The following PDE1C variants were observed in gnomAD, a reference collection of about 807,000 sequenced individuals.
PDE1C encodes phosphodiesterase 1C, also known as dual specificity calcium/calmodulin-dependent 3',5'-cyclic nucleotide phosphodiesterase 1C.
A neutral mutation model predicts 93.1 loss-of-function variants in PDE1C; 62 were observed. The observed-to-expected ratio is 0.67, with a 90% CI of 0.54 to 0.82. The LOEUF is 0.82. Ranked by LOEUF, PDE1C falls within the 40% of genes least tolerant of loss-of-function variation. The pLI is 0.00. For missense variants in PDE1C, 742 were observed against 884.6 expected (o/e 0.84, Z 2.04); for synonymous variants, 325 against 310.1 (o/e 1.05, Z -0.50).
chr7:32,080,858 A>G (rs1161318974), intron 3 of PDE1C, among the ~76,000 whole-genome samples: 1 of 152,164 alleles, frequency 6.6e-6, no homozygotes, highest in Non-Finnish European at 1.5e-5. Context: ...AATAAAAAAG[A>G]CCCTGAAGGC....
chr7:32,153,514 G>C lies in PDE1C; in HGVS notation c.308+16271C>G, dbSNP rs146871912. Among the ~76,000 whole-genome samples, 187 of 152,336 alleles carry C rather than the reference G, an allele frequency of 1.2e-3. 1 individual carries two copies. Among genetic ancestry groups the C allele is most frequent in the African/African-American group, 4.3e-3 (178 of 41,588 alleles). ...GTCAAGGGGGAGCCTGGAACAAGCAGAGTGGGGGTTCTCAGCCCTGCTGCA... is the reference window on the plus strand; with the variant it reads ...GTCAAGGGGGAGCCTGGAACAAGCACAGTGGGGGTTCTCAGCCCTGCTGCA... On this transcript the variant is annotated intron_variant, in intron 3 of 18. Coordinates refer to the PDE1C transcript ENST00000396193.
At chr7:32,358,600 C>T (rs1784075551) in intron 1 of PDE1C, among the ~76,000 whole-genome samples, 2 of 152,070 alleles carry the variant, frequency 1.3e-5, no homozygotes, top group South Asian at 2.1e-4. Flanking sequence ...AACTCTGCAT[C>T]CCCAGAGTCA....
chr7:32,153,683 G>C (rs1801395160), intron 3 of PDE1C, among the ~76,000 whole-genome samples: 1 of 152,210 alleles, frequency 6.6e-6, no homozygotes, highest in African/African-American at 2.4e-5. Context: ...ATCTGAACAG[G>C]ATAGAGCCCA....
chr7:31,747,495 AT>A (rs1223548605), downstream of PDE1C, among the ~76,000 whole-genome samples: 3 of 152,158 alleles, frequency 2.0e-5, no homozygotes, highest in Middle Eastern at 3.2e-3. Context: ...GCCCACTATG[AT>A]TGTAATCACC....
At chr7:31,818,520 T>A (rs1421489615) in intron 14 of PDE1C, among the ~76,000 whole-genome samples, 1 of 152,224 alleles carries the variant, frequency 6.6e-6, no homozygotes, top group Non-Finnish European at 1.5e-5. Flanking sequence ...TTATCCTATA[T>A]GCAAGTGTAA....
upstream of PDE1C, among the ~76,000 whole-genome samples, chr7:32,073,743 A>G (rs375567472): frequency 9.2e-5 from 14 of 152,330 alleles, 3 homozygotes. Flanking sequence ...CTCTTCATCT[A>G]TCACAGCCAA....
At chr7:32,050,974 C>T (rs983963096) in intron 2 of PDE1C, among the ~76,000 whole-genome samples, 11 of 152,148 alleles carry the variant, frequency 7.2e-5, no homozygotes, top group African/African-American at 2.7e-4. Context: ...ACCACCTGAT[C>T]CCTCATGGCT....
At chr7:32,246,761 A>G (rs553824839) in intron 1 of PDE1C, among the ~76,000 whole-genome samples, 2 of 152,298 alleles carry the variant, frequency 1.3e-5, no homozygotes, top group Admixed American at 1.3e-4. Context: ...CTCGGATATA[A>G]ATGGGTTTAA....
the PDE1C span, among the ~76,000 whole-genome samples, chr7:31,721,604 G>GT: frequency 6.6e-5 from 10 of 152,202 alleles, no homozygotes; most frequent in Non-Finnish European, 1.2e-4. Context: ...GAAGTTGCAA[G>GT]ATACCTTAGC....
In PDE1C at chr7:31,985,156, A is replaced by G. The variant is rs1230698971; in HGVS notation, c.128+66398T>C. Among the ~76,000 whole-genome samples, 4 of 152,348 alleles carry G rather than the reference A, an allele frequency of 2.6e-5. No homozygotes were observed. The East Asian group carries it at 7.7e-4, about 29-fold the overall frequency. Reference sequence around the variant, plus strand: ...TTTATCAGCGCACGGACAAGGGCCAAGAGTAGACTAGTAAGCAGTACCATA... The same window carrying G: ...TTTATCAGCGCACGGACAAGGGCCAGGAGTAGACTAGTAAGCAGTACCATA... On this transcript the variant is annotated intron_variant, in intron 2 of 17. Coordinates refer to ENST00000396191, the MANE Select transcript of PDE1C (RefSeq NM_001191057.4).
chr7:32,083,344 G>T (rs972195675), intron 3 of PDE1C, among the ~76,000 whole-genome samples: 4 of 151,704 alleles, frequency 2.6e-5, no homozygotes, highest in Non-Finnish European at 4.4e-5. Context: ...AGAAATATGG[G>T]ACTATGTGAA....
intron 2 of PDE1C, among the ~76,000 whole-genome samples, chr7:31,988,768 G>A (rs1178519699): frequency 1.3e-5 from 2 of 151,998 alleles, no homozygotes; most frequent in Admixed American, 6.6e-5. Context: ...AGGGTGAGAC[G>A]GGCGGATCAT....
In PDE1C at chr7:32,164,388, T is replaced by C. The variant is rs1257021458; in HGVS notation, c.308+5397A>G. 2.0e-5 allele frequency among the ~76,000 whole-genome samples: 3 copies of C among 152,324 alleles called. No homozygotes were observed. The East Asian group carries it at 5.8e-4, about 29-fold the overall frequency. On this transcript the variant is annotated intron_variant, in intron 3 of 18. Coordinates refer to the PDE1C transcript ENST00000396193. The stretch of plus-strand genomic sequence containing the variant: ...TATAACTCAAACTATATATCCAAAG[T>C]GCACACTCAAATTAGTATAACCAAT...
In PDE1C at chr7:32,309,945, T is replaced by C. The variant is rs1813127909; in HGVS notation, c.311-100406A>G. Among the ~76,000 whole-genome samples the C allele has an allele frequency of 2.6e-5, 4 of 152,178 alleles. No individual in the cohort carries two copies. The South Asian group carries it at 8.3e-4, about 31-fold the overall frequency. On this transcript the variant is annotated intron_variant, in intron 1 of 1. Coordinates refer to the PDE1C transcript ENST00000672256. ...GGACTAAATGCTCCAATTTAAAAGA[T>C]ACAGACTGGCAAATTGGATAAAGAG...
At chr7:31,707,418 G>A in the PDE1C span, 1 of 664,954 alleles carries the variant, frequency 1.5e-6, no homozygotes, top group Non-Finnish European at 2.5e-6. Context: ...CTCCCCAGGA[G>A]ATGTATGCCA....
At chr7:31,881,526 G>T (rs1025428269) in intron 2 of PDE1C, among the ~76,000 whole-genome samples, 2 of 152,186 alleles carry the variant, frequency 1.3e-5, no homozygotes, top group African/African-American at 4.8e-5. Context: ...TATCTGCACA[G>T]AGGACTTAGT....
intron 2 of PDE1C, among the ~76,000 whole-genome samples, chr7:32,005,544 A>G (rs547734988): frequency 5.3e-4 from 65 of 122,856 alleles, no homozygotes; most frequent in African/African-American, 1.9e-3. Context: ...CGACAGAGCG[A>G]GACTCCATTT....
At chr7:31,965,186 T>A (rs1046303264) in intron 2 of PDE1C, among the ~76,000 whole-genome samples, 5 of 150,588 alleles carry the variant, frequency 3.3e-5, no homozygotes, top group Non-Finnish European at 7.4e-5. Context: ...TTCGAACCAA[T>A]GGCAAAGAAG....
chr7:31,755,542 A>G (rs1794404323), intron 17 of PDE1C, among the ~76,000 whole-genome samples: 1 of 151,188 alleles, frequency 6.6e-6, no homozygotes, highest in Non-Finnish European at 1.5e-5. Flanking sequence ...TACCTGAAGC[A>G]TCTTGTAGAG....
Sources: allele counts gnomAD v4.1 joint callset (sites outside exome capture counted in the v4.1 genomes callset), GRCh38; gene constraint gnomAD v4.1.1; transcripts MANE v1.5; gene names NCBI Gene and HGNC (gene_info 2026-07-23, HGNC 2026-07-21).